The following XRCC5 variants were observed in gnomAD, a reference collection of about 807,000 sequenced individuals.
XRCC5 encodes DNA repair protein Ku80.
Under a neutral mutation model 95.7 loss-of-function variants are expected in XRCC5, and 12 were observed. The ratio of observed to expected loss-of-function variants is 0.13; its 90% CI spans 0.08 to 0.20. The LOEUF (loss-of-function observed/expected upper bound fraction) is 0.20, where lower values mean the gene tolerates loss of function less well. Among genes scored for constraint, XRCC5 ranks in the 10% least tolerant of loss-of-function variants. The probability of loss-of-function intolerance (pLI) is 1.00; values close to 1 mark genes in which losing one functional copy is unlikely to be tolerated. For synonymous variants in XRCC5, 281 were observed against 290.3 expected (o/e 0.97, Z 0.33); for missense variants, 595 against 873.9 (o/e 0.68, Z 4.02).
chr2:216,150,032 C>G (rs2106020323), intron 14 of XRCC5, among the ~76,000 whole-genome samples: 1 of 150,690 alleles, frequency 6.6e-6, no homozygotes, highest in African/African-American at 2.4e-5. Flanking sequence ...AAGAATGGTT[C>G]AGTCCTTTCT....
chr2:216,205,276 T>A lies in XRCC5; in HGVS notation c.*74T>A. On this transcript the variant is annotated 3_prime_UTR_variant, in exon 21 of 21. Coordinates refer to ENST00000392132, the MANE Select transcript of XRCC5 (RefSeq NM_021141.4). ...GGGAGTTCTAACAAAACAAGTTGGA[T>A]GCGGCCATTCAAGGGGAGCCAAAAT... 4 of 1,601,932 alleles carry A rather than the reference T, an allele frequency of 2.5e-6. No homozygotes were observed. The highest frequency in any genetic ancestry group is 3.4e-6 in the Non-Finnish European group (4 of 1,169,050).
At chr2:216,113,199 A>G (rs1696622448) in intron 2 of XRCC5, 70 bp downstream of exon 2, 1 of 1,314,164 alleles carries the variant, frequency 7.6e-7, no homozygotes, top group Non-Finnish European at 1.1e-6. Flanking sequence ...CTACTAATGC[A>G]AGATACCAGC....
At chr2:216,171,219 C>T (rs1307706250) in intron 16 of XRCC5, among the ~76,000 whole-genome samples, 1 of 152,204 alleles carries the variant, frequency 6.6e-6, no homozygotes, top group Non-Finnish European at 1.5e-5. Context: ...TGGGTCCTCC[C>T]CTTTCAAATT....
chr2:216,166,904 A>T (rs187892948), intron 16 of XRCC5, among the ~76,000 whole-genome samples: 1 of 152,298 alleles, frequency 6.6e-6, no homozygotes, highest in East Asian at 1.9e-4. Context: ...GAAAGGATGG[A>T]TATATGGGGA....
intron 16 of XRCC5, chr2:216,174,874 G>T: frequency 3.3e-6 from 1 of 307,196 alleles, no homozygotes; most frequent in African/African-American, 2.2e-5. Context: ...GCTAAGAATT[G>T]TAGCCCCTCT....
chr2:216,119,461 T>A (rs1696767588), intron 5 of XRCC5, among the ~76,000 whole-genome samples: 1 of 152,236 alleles, frequency 6.6e-6, no homozygotes. Context: ...AAGAACCCTT[T>A]GAGGATATTC....
At chr2:216,131,760 C>CTT (rs1026954815) in intron 9 of XRCC5, among the ~76,000 whole-genome samples, 8 of 152,122 alleles carry the variant, frequency 5.3e-5, no homozygotes, top group Non-Finnish European at 1.2e-4. Flanking sequence ...CTTTGTTAAT[C>CTT]TCTGTAATCT....
intron 14 of XRCC5, among the ~76,000 whole-genome samples, chr2:216,157,652 A>G (rs1474441180): frequency 1.3e-5 from 2 of 152,158 alleles, no homozygotes; most frequent in Non-Finnish European, 2.9e-5. Flanking sequence ...TAATTTTTGT[A>G]TATTGAGAGT....
chr2:216,168,149 T>C (rs1689089615), intron 16 of XRCC5, among the ~76,000 whole-genome samples: 1 of 152,222 alleles, frequency 6.6e-6, no homozygotes, highest in Non-Finnish European at 1.5e-5. Context: ...ATCGTAATTA[T>C]GCACCATTGG....
chr2:216,171,989 C>T (rs1423979147), intron 16 of XRCC5, among the ~76,000 whole-genome samples: 1 of 152,142 alleles, frequency 6.6e-6, no homozygotes, highest in Admixed American at 6.5e-5. Flanking sequence ...CTCTCACACC[C>T]AAAAATTCCT....
At chr2:216,141,540 C>CTTTTT (rs71401137) in intron 13 of XRCC5, among the ~76,000 whole-genome samples, 3,836 of 63,182 alleles carry the variant, frequency 0.061, 468 homozygotes, top group East Asian at 0.082. Context: ...TCTTTCTTTT[C>CTTTTT]TTTTTTTTTT....
At position 216,165,083 on chromosome 2, in the gene XRCC5, T is replaced by A. The variant is rs41301724; in HGVS notation, c.1834+3035T>A. Among the ~76,000 whole-genome samples the A allele has an allele frequency of 3.8e-3, 583 of 152,334 alleles. 1 individual carries two copies. The highest frequency in any genetic ancestry group is 0.013 in the African/African-American group (558 of 41,570). On this transcript the variant is annotated intron_variant, in intron 16 of 20. Transcript: ENST00000392132. ...TTTACTGATGGATAAACTGTAAAAT[T>A]GGAGGAGATGCATTTTCCCAAAGAT...
rs1038316779 is a variant in XRCC5 at position 216,196,505 on chromosome 2, C to T, written c.2109+1519C>T. On this transcript the variant is annotated intron_variant, in intron 19 of 20. Transcript: ENST00000392132. ...AGAACCAAGAGAACGTACATGTGTG[C>T]GTGTGTCTGTGTGTGTGTATGCACA... 3.3e-5 allele frequency among the ~76,000 whole-genome samples: 5 copies of T among 152,054 alleles called. No individual in the cohort carries two copies. In the South Asian group the frequency reaches 6.2e-4, roughly 19 times the overall value.
chr2:216,202,652 A>G (rs1689856784), intron 19 of XRCC5, among the ~76,000 whole-genome samples: 1 of 152,234 alleles, frequency 6.6e-6, no homozygotes, highest in Admixed American at 6.5e-5. Context: ...TTTAGGGTCA[A>G]CAAAGAGCTA....
chr2:216,153,986 G>A (rs1688798007), intron 14 of XRCC5, among the ~76,000 whole-genome samples: 1 of 152,156 alleles, frequency 6.6e-6, no homozygotes, highest in Non-Finnish European at 1.5e-5. Context: ...CTATTTCAGT[G>A]AATGACACCT....
chr2:216,199,011 A>G (rs958503287), intron 19 of XRCC5, among the ~76,000 whole-genome samples: 1 of 152,184 alleles, frequency 6.6e-6, no homozygotes, highest in Non-Finnish European at 1.5e-5. Context: ...TGCTTTAGCT[A>G]TTTCTCTTAG....
At chr2:216,124,613 C>T (rs1696874609) in intron 6 of XRCC5, among the ~76,000 whole-genome samples, 2 of 152,180 alleles carry the variant, frequency 1.3e-5, no homozygotes, top group Admixed American at 6.6e-5. Context: ...AGCTGGGTGT[C>T]AGGTAAGATA....
Position 216,127,592 on chromosome 2 carries a change from AAAAG to A in XRCC5, c.858_861del (p.Glu287IlefsTer10). On this transcript the variant is annotated frameshift_variant, in exon 8 of 21. Coordinates refer to ENST00000392132, the MANE Select transcript of XRCC5 (RefSeq NM_021141.4). LOFTEE classifies it high-confidence loss of function. ...CAGTTGTGGATGCAAAAACCCTAAA[AAAAG>A]AAGATATACAAAAAGAAACAGTTTA... 6.2e-7 allele frequency: 1 copy of A among 1,612,580 alleles called. No individual in the cohort carries two copies. Among genetic ancestry groups the A allele is most frequent in the Non-Finnish European group, 8.5e-7 (1 of 1,179,532 alleles).
intron 14 of XRCC5, among the ~76,000 whole-genome samples, chr2:216,151,953 C>T (rs1688753441): frequency 6.6e-6 from 1 of 152,136 alleles, no homozygotes; most frequent in Non-Finnish European, 1.5e-5. Context: ...GAGGGAGAAG[C>T]AAAGGTGCAT....
Sources: allele counts gnomAD v4.1 joint callset (sites outside exome capture counted in the v4.1 genomes callset), GRCh38; gene constraint gnomAD v4.1.1; transcripts MANE v1.5; gene names NCBI Gene and HGNC (gene_info 2026-07-23, HGNC 2026-07-21).